ITPR2: variants seen among roughly 807,000 people sequenced by gnomAD.
The protein encoded by ITPR2 is inositol 1,4,5-trisphosphate receptor type 2.
In ITPR2, 207 loss-of-function variants were observed where a neutral mutation model predicts 317.1. The observed-to-expected ratio is 0.65, with a 90% CI of 0.58 to 0.73. The LOEUF (loss-of-function observed/expected upper bound fraction) is 0.73. ITPR2 is among the 30% of genes least tolerant of loss of function. The pLI, the probability that ITPR2 is intolerant of heterozygous loss-of-function variation, is 0.00. For missense variants in ITPR2, 2,613 were observed against 3,284.0 expected (o/e 0.80, Z 4.99); for synonymous variants, 1,156 against 1,149.1 (o/e 1.01, Z -0.12).
At position 26,423,318 on chromosome 12, in the gene ITPR2, C is replaced by T. The variant is rs1283649557; in HGVS notation, c.6946-4105G>A. Among the ~76,000 whole-genome samples, 3 of 152,050 alleles carry T rather than the reference C, an allele frequency of 2.0e-5. No individual in the cohort carries two copies. In the East Asian group the frequency reaches 5.8e-4, roughly 29 times the overall value. On this transcript the variant is annotated intron_variant, in intron 49 of 56. Coordinates refer to ENST00000381340, the MANE Select transcript of ITPR2 (RefSeq NM_002223.4). The stretch of plus-strand genomic sequence containing the variant: ...TTACGAATTAGCAGTAACATAAGAC[C>T]TCCCAGAAAGCTATCTACAAGTAAG...
intron 11 of ITPR2, 22 bp from the exon 12 acceptor site, chr12:26,682,695 AAAAC>A: frequency 1.4e-6 from 2 of 1,473,226 alleles, no homozygotes; most frequent in Non-Finnish European, 1.9e-6. Flanking sequence ...ACAATATAAA[AAAAC>A]AAATTATAAA....
intron 2 of ITPR2, among the ~76,000 whole-genome samples, chr12:26,742,353 C>T (rs560961590): frequency 3.3e-5 from 5 of 152,270 alleles, no homozygotes; most frequent in Admixed American, 6.5e-5. Flanking sequence ...AAGAAACAGC[C>T]ACAACAGAGT....
At chr12:26,677,036 A>C (rs1228051674) in intron 13 of ITPR2, among the ~76,000 whole-genome samples, 1 of 152,142 alleles carries the variant, frequency 6.6e-6, no homozygotes, top group Non-Finnish European at 1.5e-5. Flanking sequence ...AATAATAGTA[A>C]CTTCAAGTTT....
At chr12:26,764,311 C>A (rs1949683138) in intron 2 of ITPR2, among the ~76,000 whole-genome samples, 1 of 151,924 alleles carries the variant, frequency 6.6e-6, no homozygotes, top group Non-Finnish European at 1.5e-5. Context: ...TTTTTAGATA[C>A]AATACCAAAG....
chr12:26,388,648 A>G (rs2136630954), intron 54 of ITPR2, among the ~76,000 whole-genome samples: 1 of 151,568 alleles, frequency 6.6e-6, no homozygotes, highest in South Asian at 2.1e-4. Context: ...TTTTCTCTGT[A>G]GAGATGGAGC....
intron 34 of ITPR2, among the ~76,000 whole-genome samples, chr12:26,573,110 G>A (rs528599696): frequency 8.6e-5 from 13 of 151,780 alleles, no homozygotes; most frequent in Admixed American, 3.9e-4. Flanking sequence ...TTGAAGCTGC[G>A]AACTCCTGGG....
chr12:26,565,219 A>T (rs564261709), intron 34 of ITPR2, among the ~76,000 whole-genome samples: 1 of 152,352 alleles, frequency 6.6e-6, no homozygotes, highest in African/African-American at 2.4e-5. Flanking sequence ...ATGAGAAACT[A>T]TGGCAACTAA....
In ITPR2 at chr12:26,663,689, T is replaced by C; in HGVS notation, c.1709A>G (p.Asn570Ser). ...AAATGGGGGCTACCCTCTGACCTGA[T>C]TTTTCCGGTAATCCTGCTGCGAGTG... is the stretch of plus-strand genomic sequence containing the variant. Reference protein sequence around the residue: ...LRHSQQDYRKNQEYIAKNFCV... With the variant: ...LRHSQQDYRKSQEYIAKNFCV... Residue 570 changes from asparagine to serine, a missense_variant, in exon 15 of 57, where the codon AAT (asparagine) becomes AGT (serine). Asn to Ser is a conservative substitution (Grantham distance 46). Around this residue, in one of 9 missense-constraint regions of ITPR2, gnomAD observed 515 missense variants for 789.4 expected, o/e 0.65. Coordinates refer to ENST00000381340, the MANE Select transcript of ITPR2 (RefSeq NM_002223.4). 6.2e-7 allele frequency: 1 copy of C among 1,609,340 alleles called. No individual in the cohort carries two copies. The highest frequency in any genetic ancestry group is 8.5e-7 in the Non-Finnish European group (1 of 1,178,500).
intron 37 of ITPR2, among the ~76,000 whole-genome samples, chr12:26,519,376 T>C (rs1371903968): frequency 1.3e-5 from 2 of 152,162 alleles, no homozygotes; most frequent in Non-Finnish European, 2.9e-5. Flanking sequence ...CTTAACAAAA[T>C]AGAAAGCTTA....
At chr12:26,523,865 A>G (rs1257035455) in intron 37 of ITPR2, among the ~76,000 whole-genome samples, 1 of 152,240 alleles carries the variant, frequency 6.6e-6, no homozygotes, top group African/African-American at 2.4e-5. Flanking sequence ...AGTGGAGCAC[A>G]GTGCCAGACA....
chr12:26,628,005 A>C, intron 23 of ITPR2, 28 bp downstream of exon 23: 1 of 1,555,538 alleles, frequency 6.4e-7, no homozygotes, highest in Middle Eastern at 1.7e-4. Context: ...ATAAAATAAA[A>C]AGAGTAAATA....
chr12:26,444,508 T>C (rs1193976034), intron 45 of ITPR2, among the ~76,000 whole-genome samples: 1 of 152,128 alleles, frequency 6.6e-6, no homozygotes, highest in Non-Finnish European at 1.5e-5. Context: ...GCACTAATTC[T>C]AAGCACTTCA....
At chr12:26,761,784 G>A (rs1037392526) in intron 2 of ITPR2, among the ~76,000 whole-genome samples, 1 of 152,180 alleles carries the variant, frequency 6.6e-6, no homozygotes, top group African/African-American at 2.4e-5. Flanking sequence ...GCGACAGAGC[G>A]AGATCCTGTC....
intron 1 of ITPR2, among the ~76,000 whole-genome samples, chr12:26,825,061 A>C (rs974686222): frequency 6.6e-6 from 1 of 152,080 alleles, no homozygotes; most frequent in African/African-American, 2.4e-5. Context: ...GCAACACCCT[A>C]TCTCTACTAA....
chr12:26,540,087 A>G (rs1944216883), intron 37 of ITPR2, among the ~76,000 whole-genome samples: 1 of 152,154 alleles, frequency 6.6e-6, no homozygotes, highest in African/African-American at 2.4e-5. Context: ...GGAACTGGAG[A>G]GAAATCCAGT....
chr12:26,782,033 T>TAGAGA (rs1950101026), intron 2 of ITPR2, among the ~76,000 whole-genome samples: 10 of 18,032 alleles, frequency 5.5e-4, no homozygotes, highest in African/African-American at 1.3e-3. Flanking sequence ...TATATATATA[T>TAGAGA]GTATAGAGAG....
chr12:26,749,912 C>T (rs183694735), intron 2 of ITPR2, among the ~76,000 whole-genome samples: 1 of 152,116 alleles, frequency 6.6e-6, no homozygotes, highest in Admixed American at 6.5e-5. Context: ...TTCATATTTG[C>T]TGAGTGTCTA....
intron 2 of ITPR2, among the ~76,000 whole-genome samples, chr12:26,761,078 A>G (rs1311056473): frequency 6.6e-6 from 1 of 152,122 alleles, no homozygotes; most frequent in Non-Finnish European, 1.5e-5. Context: ...GGCCAGGCCC[A>G]TGGTTACAGG....
chr12:26,525,397 T>C (rs1408479970), intron 37 of ITPR2, among the ~76,000 whole-genome samples: 2 of 152,190 alleles, frequency 1.3e-5, no homozygotes, highest in Non-Finnish European at 2.9e-5. Flanking sequence ...AGCGCTCACC[T>C]AGACAGCTAC....
Sources: allele counts gnomAD v4.1 joint callset (sites outside exome capture counted in the v4.1 genomes callset), GRCh38; gene constraint gnomAD v4.1.1; regional missense constraint gnomAD v4.1.1; transcripts MANE v1.5; gene names NCBI Gene and HGNC (gene_info 2026-07-23, HGNC 2026-07-21).